Variants in AZIN2 observed in about 807,000 individuals in gnomAD.
AZIN2 encodes ODC antizyme inhibitor-2.
In AZIN2, 28 loss-of-function variants were observed where a neutral mutation model predicts 47.8. That is an observed-to-expected ratio of 0.59 (90% CI 0.43 to 0.80). The LOEUF (loss-of-function observed/expected upper bound fraction) is 0.80, where lower values mean the gene tolerates loss of function less well. Among genes scored for constraint, AZIN2 ranks in the 30% least tolerant of loss-of-function variants. The pLI, the probability that AZIN2 is intolerant of heterozygous loss-of-function variation, is 0.00. For missense variants in AZIN2, 535 were observed against 582.5 expected, an observed-to-expected ratio of 0.92 and a Z score of 0.84; for synonymous variants, 221 against 239.4, an observed-to-expected ratio of 0.92 and a Z score of 0.71.
the AZIN2 span, among the ~76,000 whole-genome samples, chr1:33,134,265 G>C: frequency 6.6e-6 from 1 of 152,192 alleles, no homozygotes; most frequent in Non-Finnish European, 1.5e-5. Flanking sequence ...ACCCAGCAAG[G>C]GTAGGTATTT....
At chr1:33,114,285 A>G (rs949199139) in intron 10 of AZIN2, among the ~76,000 whole-genome samples, 1 of 138,614 alleles carries the variant, frequency 7.2e-6, no homozygotes, top group African/African-American at 2.7e-5. Flanking sequence ...TGCCTGGCTA[A>G]TTTTTTTGTA....
At chr1:33,160,060 G>A in the AZIN2 span, 8 of 1,328,728 alleles carry the variant, frequency 6.0e-6, no homozygotes, top group South Asian at 4.1e-5. Flanking sequence ...GAAAGGGCAC[G>A]CGTGGTGGGG....
chr1:33,124,144 C>T (rs140528782), downstream of AZIN2, among the ~76,000 whole-genome samples: 33 of 151,990 alleles, frequency 2.2e-4, no homozygotes, highest in East Asian at 4.6e-3. The surrounding 1 kb of genome is among the most constrained non-coding windows in gnomAD (Gnocchi z 4.6). Flanking sequence ...CCAGCCTAGG[C>T]GACAGGGCAA....
At chr1:33,083,804 T>G (rs41265885) in intron 4 of AZIN2, 150 bp from the exon 5 acceptor site, 3 of 851,698 alleles carry the variant, frequency 3.5e-6, no homozygotes, top group Admixed American at 2.1e-5. Flanking sequence ...CCTTCTGCCC[T>G]GTAGGCTTGG....
Position 33,118,060 on chromosome 1 carries a change from C to T in AZIN2, c.1188C>T (p.Ser396=). The T allele has an allele frequency of 6.5e-7, 1 of 1,530,076 alleles. No individual in the cohort carries two copies. Among genetic ancestry groups the T allele is most frequent in the Non-Finnish European group, 8.8e-7 (1 of 1,142,716 alleles). 94.8% of individuals were successfully genotyped at this position (1,530,076 alleles called of 1,614,324 possible). ...GCGCCTACACTGTGGGCATGGGTTC[C>T]CCCTTTTGGGGGACCCAGGCCTGCC... ...NMGAYTVGMG[S]PFWGTQACHI... The change falls in exon 11 of 12, where the codon TCC becomes TCT. Residue 396 remains serine, a synonymous_variant. Transcript: ENST00000294517.
intron 10 of AZIN2, among the ~76,000 whole-genome samples, chr1:33,100,564 C>CGTGT (rs57021036): frequency 0.028 from 4,100 of 148,302 alleles, 190 homozygotes; most frequent in African/African-American, 0.094. Flanking sequence ...GATAGAAACA[C>CGTGT]GTGTGTGTGT....
the AZIN2 span, chr1:33,160,062 G>A: frequency 2.9e-5 from 38 of 1,315,560 alleles, no homozygotes; most frequent in Admixed American, 6.9e-5. Context: ...AAGGGCACGC[G>A]TGGTGGGGGA....
intron 10 of AZIN2, among the ~76,000 whole-genome samples, chr1:33,107,670 A>G (rs1644081650): frequency 6.6e-6 from 1 of 152,222 alleles, no homozygotes; most frequent in Non-Finnish European, 1.5e-5. Context: ...AGAAGATACA[A>G]AGTTAACATA....
Position 33,120,244 on chromosome 1 carries a change from G to A in AZIN2, c.*62G>A. ...CTCAGAGATGCATCTGGGAGAGGTG[G>A]GGAAGATGGCAGGCAAGGGTACCCT... On this transcript the variant is annotated 3_prime_UTR_variant, in exon 12 of 12. Coordinates refer to ENST00000294517, the MANE Select transcript of AZIN2 (RefSeq NM_052998.4). 1 of 1,542,472 alleles carries A rather than the reference G, an allele frequency of 6.5e-7. No homozygotes were observed. Among genetic ancestry groups the A allele is most frequent in the Non-Finnish European group, 8.8e-7 (1 of 1,140,160 alleles).
At chr1:33,150,969 CCAG>C in the AZIN2 span, among the ~76,000 whole-genome samples, 2 of 152,102 alleles carry the variant, frequency 1.3e-5, no homozygotes, top group Non-Finnish European at 2.9e-5. Flanking sequence ...TGATTTGAGA[CCAG>C]CAACAGGCAG....
At chr1:33,127,174 T>G (rs1364358583), downstream of AZIN2, among the ~76,000 whole-genome samples, 1 of 152,218 alleles carries the variant, frequency 6.6e-6, no homozygotes, top group African/African-American at 2.4e-5. Flanking sequence ...AAGCCTCCGT[T>G]TTCTCATCTG....
intron 10 of AZIN2, among the ~76,000 whole-genome samples, chr1:33,109,315 C>G (rs939349430): frequency 6.6e-6 from 1 of 150,534 alleles, no homozygotes; most frequent in Non-Finnish European, 1.5e-5. Flanking sequence ...CTTCTCTTAA[C>G]ATTTTCTTTT....
chr1:33,085,319 G>C (rs1201880450), intron 5 of AZIN2, among the ~76,000 whole-genome samples: 1 of 152,128 alleles, frequency 6.6e-6, no homozygotes, highest in Non-Finnish European at 1.5e-5. Context: ...GGGAAGTAAG[G>C]AATGTTGGGA....
the AZIN2 span, among the ~76,000 whole-genome samples, chr1:33,152,404 A>G: frequency 2.0e-5 from 3 of 152,146 alleles, no homozygotes; most frequent in Non-Finnish European, 4.4e-5. Flanking sequence ...TGTCTCTACT[A>G]AAAATACAAA....
chr1:33,108,428 T>C (rs375701754), intron 10 of AZIN2, among the ~76,000 whole-genome samples: 1 of 151,544 alleles, frequency 6.6e-6, no homozygotes, highest in South Asian at 2.1e-4. Context: ...CTGCAGTCTC[T>C]GCCTCCTGGG....
intron 5 of AZIN2, among the ~76,000 whole-genome samples, chr1:33,088,856 C>T (rs999565891): frequency 1.3e-5 from 2 of 152,212 alleles, no homozygotes; most frequent in African/African-American, 4.8e-5. Flanking sequence ...TCTTGCAGCA[C>T]GTACTTTTTC....
chr1:33,085,859 A>G (rs1327836872), intron 5 of AZIN2, among the ~76,000 whole-genome samples: 1 of 152,226 alleles, frequency 6.6e-6, no homozygotes, highest in Non-Finnish European at 1.5e-5. Flanking sequence ...CCATGGGGTC[A>G]GCCATCTGTG....
At chr1:33,158,931 C>T in the AZIN2 span, among the ~76,000 whole-genome samples, 7 of 151,990 alleles carry the variant, frequency 4.6e-5, no homozygotes, top group Admixed American at 3.3e-4. Flanking sequence ...ACCTCTGCCT[C>T]CTGGGTTCAA....
At chr1:33,093,454 A>G in intron 7 of AZIN2, 38 bp downstream of exon 7, 1 of 1,602,990 alleles carries the variant, frequency 6.2e-7, no homozygotes, top group Non-Finnish European at 8.5e-7. Flanking sequence ...CTCCCACACC[A>G]GGCTCCCTGC....
Sources: allele counts gnomAD v4.1 joint callset (sites outside exome capture counted in the v4.1 genomes callset), GRCh38; gene constraint gnomAD v4.1.1; non-coding constraint Gnocchi (gnomAD v3.1); transcripts MANE v1.5; gene names NCBI Gene and HGNC (gene_info 2026-07-23, HGNC 2026-07-21).